Variants in PRDM16 observed in about 807,000 individuals in gnomAD.
PRDM16 encodes histone-lysine N-methyltransferase PRDM16.
Under a neutral mutation model 110.6 loss-of-function variants are expected in PRDM16, and 23 were observed. That is an observed-to-expected ratio of 0.21 (90% CI 0.15 to 0.29). The LOEUF (loss-of-function observed/expected upper bound fraction) is 0.29. Among genes scored for constraint, PRDM16 ranks in the 10% least tolerant of loss-of-function variants. The pLI, the probability that PRDM16 is intolerant of heterozygous loss-of-function variation, is 1.00. For missense variants in PRDM16, 1,615 were observed against 1,794.3 expected (o/e 0.90, Z 1.81); for synonymous variants, 799 against 781.8 (o/e 1.02, Z -0.37).
chr1:3,265,691 T>G lies in PRDM16; in HGVS notation c.438+21554T>G, dbSNP rs2455097. The stretch of plus-strand genomic sequence containing the variant: ...GCCCCGGGGCTGCCTGGGTTTGTCC[T>G]GGGAAGGTGAGGATGGGAGCTGACT... On this transcript the variant is annotated intron_variant, in intron 3 of 16. Transcript: ENST00000270722. This position sits in a 1 kb window ranked among gnomAD's most constrained non-coding sequence, Gnocchi z 4.5. Among the ~76,000 whole-genome samples the G allele has an allele frequency of 6.6e-6, 1 of 151,664 alleles. No homozygotes were observed. Among genetic ancestry groups the G allele is most frequent in the Non-Finnish European group, 1.5e-5 (1 of 67,874 alleles).
At chr1:3,169,658 C>T (rs1484214664) in intron 1 of PRDM16, among the ~76,000 whole-genome samples, 1 of 152,174 alleles carries the variant, frequency 6.6e-6, no homozygotes. Context: ...GAAAAAAAAA[C>T]AGAGCCCGCC....
intron 1 of PRDM16, among the ~76,000 whole-genome samples, chr1:3,118,124 T>TGC: frequency 6.6e-6 from 1 of 151,638 alleles, no homozygotes; most frequent in African/African-American, 2.4e-5. Context: ...CGTGTGCGTG[T>TGC]GTGCGTGTGT....
chr1:3,276,047 T>A (rs1423278226), intron 3 of PRDM16, among the ~76,000 whole-genome samples: 1 of 152,196 alleles, frequency 6.6e-6, no homozygotes, highest in Non-Finnish European at 1.5e-5. Context: ...CCGGCTTTGG[T>A]CTCCGGACAC....
chr1:3,383,575 A>T (rs1280470881), intron 3 of PRDM16, among the ~76,000 whole-genome samples: 1 of 152,158 alleles, frequency 6.6e-6, no homozygotes, highest in East Asian at 1.9e-4. Context: ...GCCGACGTTT[A>T]ACTTTTCAAA....
intron 11 of PRDM16, among the ~76,000 whole-genome samples, chr1:3,418,205 G>C (rs1036414501): frequency 1.3e-5 from 2 of 152,212 alleles, no homozygotes. Context: ...CTGTGCTCTT[G>C]GGAGCTCAAG....
intron 1 of PRDM16, among the ~76,000 whole-genome samples, chr1:3,171,684 C>G (rs75881463): frequency 0.013 from 2,048 of 152,302 alleles, 83 homozygotes; most frequent in East Asian, 0.11. Flanking sequence ...CAGGCCCCTT[C>G]TGGGTTCTGG....
At chr1:3,224,546 C>T (rs192061372) in intron 2 of PRDM16, among the ~76,000 whole-genome samples, 32 of 152,352 alleles carry the variant, frequency 2.1e-4, no homozygotes, top group South Asian at 1.2e-3. Context: ...CCCTTCCACA[C>T]GCGCTCGGGG....
chr1:3,160,897 G>A (rs2100739871), intron 1 of PRDM16, among the ~76,000 whole-genome samples: 1 of 152,340 alleles, frequency 6.6e-6, no homozygotes, highest in South Asian at 2.1e-4. Flanking sequence ...GCCTGGGTGT[G>A]AGCCCTGAGC....
intron 8 of PRDM16, among the ~76,000 whole-genome samples, chr1:3,406,600 A>G (rs563225649): frequency 2.0e-5 from 3 of 152,194 alleles, no homozygotes; most frequent in Non-Finnish European, 4.4e-5. Flanking sequence ...TAATTAGCCA[A>G]CCACGGTAGT....
intron 3 of PRDM16, among the ~76,000 whole-genome samples, chr1:3,298,889 G>A (rs146112279): frequency 2.0e-5 from 3 of 152,276 alleles, no homozygotes; most frequent in East Asian, 1.9e-4. Context: ...AGTCCCTTCC[G>A]TAGCTCCGAT....
chr1:3,155,516 C>T (rs1035505853), intron 1 of PRDM16, among the ~76,000 whole-genome samples: 3 of 152,238 alleles, frequency 2.0e-5, no homozygotes, highest in African/African-American at 7.2e-5. Flanking sequence ...GGCACTTGCT[C>T]CTGCGACCAG....
intron 3 of PRDM16, among the ~76,000 whole-genome samples, chr1:3,355,677 C>T (rs532977505): frequency 6.6e-6 from 1 of 152,326 alleles, no homozygotes; most frequent in African/African-American, 2.4e-5. Context: ...GCCCCGGACC[C>T]TCAGCACCTC....
chr1:3,190,051 C>G lies in PRDM16; in HGVS notation c.387+3577C>G, dbSNP rs1020772091. Among the ~76,000 whole-genome samples, 4 of 152,056 alleles carry G rather than the reference C, an allele frequency of 2.6e-5. No homozygotes were observed. Among genetic ancestry groups the G allele is most frequent in the Non-Finnish European group, 5.9e-5 (4 of 68,030 alleles). On this transcript the variant is annotated intron_variant, in intron 2 of 16. Coordinates refer to ENST00000270722, the MANE Select transcript of PRDM16 (RefSeq NM_022114.4). The surrounding 1 kb of genome is among the most constrained non-coding windows in gnomAD (Gnocchi z 5.0). ...CGGCTTTGGGATGACTGGGGAGGGT[C>G]AGGGGCTCTTCTCTCCCTGACATGG...
At chr1:3,409,675 T>TGTGTGTGTGCGTGTGTGTG (rs1643636210) in intron 8 of PRDM16, among the ~76,000 whole-genome samples, 2 of 149,760 alleles carry the variant, frequency 1.3e-5, no homozygotes, top group Non-Finnish European at 1.5e-5. Flanking sequence ...GTGTCTGTGG[T>TGTGTGTGTGCGTGTGTGTG]GTGTGTGTGC....
At chr1:3,336,737 T>A (rs1390581440) in intron 3 of PRDM16, among the ~76,000 whole-genome samples, 4 of 151,448 alleles carry the variant, frequency 2.6e-5, no homozygotes, top group Non-Finnish European at 2.9e-5. Flanking sequence ...TGTGAATCTG[T>A]GTGTGAATGC....
At chr1:3,281,294 A>C (rs192401985) in intron 3 of PRDM16, among the ~76,000 whole-genome samples, 1 of 152,314 alleles carries the variant, frequency 6.6e-6, no homozygotes, top group East Asian at 1.9e-4. Context: ...CCCTTCCTAC[A>C]GCTGCCGGTG....
chr1:3,130,832 C>T (rs900684127), intron 1 of PRDM16, among the ~76,000 whole-genome samples: 2 of 151,480 alleles, frequency 1.3e-5, no homozygotes, highest in East Asian at 1.9e-4. Context: ...TTTCTGCTGC[C>T]GGCACACGGT....
chr1:3,174,768 G>A (rs755751292), intron 1 of PRDM16, among the ~76,000 whole-genome samples: 1 of 152,126 alleles, frequency 6.6e-6, no homozygotes, highest in Non-Finnish European at 1.5e-5. Context: ...GTCTTCCCAG[G>A]CTCTCCCGGG....
intron 2 of PRDM16, among the ~76,000 whole-genome samples, chr1:3,212,002 G>A (rs1011293230): frequency 6.6e-6 from 1 of 152,230 alleles, no homozygotes; most frequent in East Asian, 1.9e-4. Context: ...GATAATGGGC[G>A]AGTTCTCCGG....
Sources: gnomAD v4.1 joint callset for allele counts (sites outside exome capture counted in the v4.1 genomes callset) on GRCh38, gnomAD v4.1.1 for gene constraint, Gnocchi (gnomAD v3.1) non-coding constraint, MANE v1.5 for transcripts, NCBI Gene and HGNC (gene_info 2026-07-23, HGNC 2026-07-21) for gene names.